Variants in MCPH1 observed in about 807,000 individuals in gnomAD.
The protein encoded by MCPH1 is microcephalin.
In MCPH1, 104 loss-of-function variants were observed where a neutral mutation model predicts 84.5. The ratio of observed to expected loss-of-function variants is 1.23; its 90% confidence interval spans 1.05 to 1.45. MCPH1 has a LOEUF of 1.45. Ranked by LOEUF, MCPH1 falls within the 40% of genes most tolerant of loss-of-function variation. The probability of loss-of-function intolerance (pLI) is 0.00; values close to 1 mark genes in which losing one functional copy is unlikely to be tolerated. For missense variants in MCPH1, 1,498 were observed against 1,005.7 expected (o/e 1.49, Z -6.62); for synonymous variants, 514 against 366.8 (o/e 1.40, Z -4.58).
At chr8:6,578,200 C>T (rs562315690) in intron 12 of MCPH1, among the ~76,000 whole-genome samples, 5 of 152,340 alleles carry the variant, frequency 3.3e-5, no homozygotes, top group Non-Finnish European at 1.5e-5. Flanking sequence ...TGTAGTGGCT[C>T]ATGGGAGAGG....
chr8:6,530,996 G>A (rs1018388671), intron 12 of MCPH1, among the ~76,000 whole-genome samples: 2 of 144,978 alleles, frequency 1.4e-5, no homozygotes, highest in African/African-American at 5.5e-5. Context: ...ACTTAAATCT[G>A]CTCTTTTTTT....
chr8:6,589,887 T>C (rs1828300526), intron 12 of MCPH1, among the ~76,000 whole-genome samples: 2 of 152,318 alleles, frequency 1.3e-5, no homozygotes, highest in Admixed American at 6.5e-5. Flanking sequence ...TCTGCAGAAC[T>C]CTTATTATGG....
In MCPH1 at chr8:6,535,687, G is replaced by A. The variant is rs57720549; in HGVS notation, c.2214+35758G>A. 7.5e-3 allele frequency among the ~76,000 whole-genome samples: 1,145 copies of A among 152,212 alleles called. 13 individuals are homozygous for A. The highest frequency in any genetic ancestry group is 0.026 in the African/African-American group (1,082 of 41,508). ...ATACTGACTGCATTGCTAATTAATT[G>A]AAGTCTTTGGGAGAAGAATGGAACA... On this transcript the variant is annotated intron_variant, in intron 12 of 13. Transcript: ENST00000344683.
At chr8:6,568,583 T>G (rs1316050059) in intron 12 of MCPH1, among the ~76,000 whole-genome samples, 1 of 151,788 alleles carries the variant, frequency 6.6e-6, no homozygotes, top group Admixed American at 6.6e-5. Context: ...TTTTCCAACC[T>G]GTACCATCCC....
chr8:6,447,795 C>T (rs961662820), intron 8 of MCPH1, among the ~76,000 whole-genome samples: 4 of 152,198 alleles, frequency 2.6e-5, no homozygotes, highest in African/African-American at 9.7e-5. Context: ...ATGATCTACC[C>T]TCCTCGGCCT....
At chr8:6,482,898 A>G (rs1170787356) in intron 11 of MCPH1, among the ~76,000 whole-genome samples, 1 of 152,244 alleles carries the variant, frequency 6.6e-6, no homozygotes, top group African/African-American at 2.4e-5. Flanking sequence ...ACTCAGACAC[A>G]TAAGTGAATG....
intron 1 of MCPH1, among the ~76,000 whole-genome samples, chr8:6,406,906 A>T (rs1286873775): frequency 1.7e-5 from 1 of 57,192 alleles, no homozygotes; most frequent in Non-Finnish European, 3.3e-5. Context: ...TCCCCCCAAA[A>T]CCCCCGGCTG....
Position 6,505,429 on chromosome 8 carries a change from T to TATATATTCTTTATATACATAAAGA in MCPH1, c.2214+5506_2214+5507insTCTTTATATACATAAAGAATATAT, listed in dbSNP as rs1813324016. Among the ~76,000 whole-genome samples the TATATATTCTTTATATACATAAAGA allele has an allele frequency of 3.9e-5, 3 of 77,608 alleles. 1 individual carries two copies. Among genetic ancestry groups the TATATATTCTTTATATACATAAAGA allele is most frequent in the African/African-American group, 1.3e-4 (3 of 23,298 alleles). The allele number at this position is 77,608 out of a possible 152,430, so 50.9% of individuals were successfully genotyped here. A position where few individuals can be genotyped will look rare whatever the true frequency, so the allele number is the denominator to read the frequency against. ...ATATATTCTTTATATACATAAAGAA[T>TATATATTCTTTATATACATAAAGA]ATATATATTCTTTATATACATATAG... is the stretch of plus-strand genomic sequence containing the variant. On this transcript the variant is annotated intron_variant, in intron 12 of 13. Transcript: ENST00000344683.
intron 9 of MCPH1, among the ~76,000 whole-genome samples, chr8:6,467,828 C>T (rs1254483472): frequency 6.6e-6 from 1 of 152,100 alleles, no homozygotes; most frequent in East Asian, 1.9e-4. Flanking sequence ...GAACTCTTGG[C>T]CTCAAACCAT....
At chr8:6,548,959 G>T (rs756505199) in intron 12 of MCPH1, among the ~76,000 whole-genome samples, 1 of 152,212 alleles carries the variant, frequency 6.6e-6, no homozygotes, top group Non-Finnish European at 1.5e-5. Context: ...GGGGAATTAT[G>T]TTTAACCAGT....
At chr8:6,499,964 G>C in intron 12 of MCPH1, 35 bp downstream of exon 12, 4 of 1,565,670 alleles carry the variant, frequency 2.6e-6, no homozygotes, top group Non-Finnish European at 3.5e-6. Flanking sequence ...GGTAAATGCA[G>C]TTTGCTGTTC....
chr8:6,636,807 C>A (rs1429275767), intron 13 of MCPH1, among the ~76,000 whole-genome samples: 1 of 151,984 alleles, frequency 6.6e-6, no homozygotes, highest in Non-Finnish European at 1.5e-5. Flanking sequence ...CACCACCCCC[C>A]AAAAAAAATC....
intron 12 of MCPH1, among the ~76,000 whole-genome samples, chr8:6,506,024 A>C (rs1324679766): frequency 6.9e-6 from 1 of 145,358 alleles, no homozygotes; most frequent in Admixed American, 7.0e-5. Flanking sequence ...TATATATATA[A>C]AAACATATAT....
At chr8:6,442,019 A>G (rs1470650239) in intron 6 of MCPH1, 48 bp from the exon 7 acceptor site, 1 of 1,345,022 alleles carries the variant, frequency 7.4e-7, no homozygotes, top group African/African-American at 1.4e-5. Context: ...TCATCTGCTA[A>G]GAAATACTGA....
chr8:6,444,355 C>A (rs762831798), intron 7 of MCPH1, 38 bp from the exon 8 acceptor site: 1 of 1,612,836 alleles, frequency 6.2e-7, no homozygotes, highest in South Asian at 1.1e-5. Context: ...ATAATTTAAA[C>A]CACTTTTAAA....
At chr8:6,547,922 T>G (rs2129574624) in intron 12 of MCPH1, among the ~76,000 whole-genome samples, 1 of 152,092 alleles carries the variant, frequency 6.6e-6, no homozygotes, top group African/African-American at 2.4e-5. Context: ...TCACTGTGGT[T>G]ACTTCTCTAG....
chr8:6,531,489 G>A (rs1005535250), intron 12 of MCPH1, among the ~76,000 whole-genome samples: 13 of 151,754 alleles, frequency 8.6e-5, no homozygotes, highest in African/African-American at 2.9e-4. Flanking sequence ...ACGGGTTTTC[G>A]CCATGTTGGC....
intron 12 of MCPH1, among the ~76,000 whole-genome samples, chr8:6,614,526 G>A (rs1320405409): frequency 6.6e-6 from 1 of 152,234 alleles, no homozygotes; most frequent in African/African-American, 2.4e-5. Flanking sequence ...CAGTGCCCAT[G>A]TGGCTTGGTG....
At chr8:6,428,162 CTT>C (rs1441490832) in intron 3 of MCPH1, among the ~76,000 whole-genome samples, 1 of 151,866 alleles carries the variant, frequency 6.6e-6, no homozygotes, top group Admixed American at 6.6e-5. Flanking sequence ...TTTTTTTACT[CTT>C]TTGTAATGCC....
Sources: allele counts gnomAD v4.1 joint callset (sites outside exome capture counted in the v4.1 genomes callset), GRCh38; gene constraint gnomAD v4.1.1; transcripts MANE v1.5; gene names NCBI Gene and HGNC (gene_info 2026-07-23, HGNC 2026-07-21).